PTPRZ1: variants seen among roughly 807,000 people sequenced by gnomAD.
PTPRZ1 encodes the protein protein tyrosine phosphatase receptor type Z1, also known as receptor-type tyrosine-protein phosphatase zeta.
In PTPRZ1, 82 loss-of-function variants were observed where a neutral mutation model predicts 214.1. The observed-to-expected ratio is 0.38, with a 90% CI of 0.32 to 0.46. The LOEUF (loss-of-function observed/expected upper bound fraction) is 0.46, where lower values mean the gene tolerates loss of function less well. Among genes scored for constraint, PTPRZ1 ranks in the 20% least tolerant of loss-of-function variants. The probability of loss-of-function intolerance (pLI) is 1.00; values close to 1 mark genes in which losing one functional copy is unlikely to be tolerated. For missense variants in PTPRZ1, 2,603 were observed against 2,748.7 expected, an observed-to-expected ratio of 0.95 and a Z score of 1.19; for synonymous variants, 945 against 987.9, an observed-to-expected ratio of 0.96 and a Z score of 0.81.
At position 122,061,301 on chromosome 7, in the gene PTPRZ1, G is replaced by A. The variant is rs1792570365; in HGVS notation, c.*81G>A. ...TAGGCAGGAAAATCAGTCTAGTTCT[G>A]TTATCTGTTGATTTCCCATCACCTG... is the stretch of plus-strand genomic sequence containing the variant. On this transcript the variant is annotated 3_prime_UTR_variant, in exon 30 of 30. Coordinates refer to ENST00000393386, the MANE Select transcript of PTPRZ1 (RefSeq NM_002851.3). 3.1e-6 allele frequency: 4 copies of A among 1,295,380 alleles called. No individual in the cohort carries two copies. In the African/African-American group the frequency reaches 6.0e-5, roughly 19 times the overall value. The allele number at this position is 1,295,380 out of a possible 1,614,324, so 80.2% of individuals were successfully genotyped here.
chr7:121,978,171 A>T (rs559016088), intron 6 of PTPRZ1, among the ~76,000 whole-genome samples: 11 of 152,172 alleles, frequency 7.2e-5, no homozygotes, highest in African/African-American at 2.7e-4. Flanking sequence ...TGTCAGATAC[A>T]CTGTGACTAC....
chr7:121,925,212 CTCAG>C (rs1299709491), intron 1 of PTPRZ1, among the ~76,000 whole-genome samples: 1 of 152,158 alleles, frequency 6.6e-6, no homozygotes, highest in Non-Finnish European at 1.5e-5. Context: ...ACTGTTAAGT[CTCAG>C]TCAGTAACCT....
chr7:121,967,570 G>A (rs1379031233), intron 2 of PTPRZ1, among the ~76,000 whole-genome samples: 3 of 152,136 alleles, frequency 2.0e-5, no homozygotes, highest in East Asian at 1.9e-4. Flanking sequence ...TGTGATGACT[G>A]GACAAAGCCA....
intron 2 of PTPRZ1, among the ~76,000 whole-genome samples, chr7:121,933,504 G>A (rs551263977): frequency 5.9e-5 from 9 of 152,064 alleles, no homozygotes; most frequent in Admixed American, 3.3e-4. Context: ...GAATGCATTC[G>A]ATTCAAATAA....
In PTPRZ1 at chr7:121,954,583, A is replaced by G. The variant is rs534860696; in HGVS notation, c.125-13368A>G. On this transcript the variant is annotated intron_variant, in intron 2 of 29. Transcript: ENST00000393386. ...GGTGTCCCTGGAATACCCTATGCAT[A>G]TTTCTGCTATTATATTCATTAGATT... is the stretch of plus-strand genomic sequence containing the variant. 5.9e-5 allele frequency among the ~76,000 whole-genome samples: 9 copies of G among 152,074 alleles called. No homozygotes were observed. The East Asian group carries it at 1.4e-3, about 23-fold the overall frequency.
rs1175689845 is a variant in PTPRZ1, at chr7:122,054,056, C to G, written c.6381+18C>G. 6.2e-7 allele frequency: 1 copy of G among 1,610,956 alleles called. No homozygotes were observed. The highest frequency in any genetic ancestry group is 1.7e-5 in the Admixed American group (1 of 59,834). On this transcript the variant is annotated intron_variant, in intron 26 of 29. Transcript: ENST00000393386. ...AAAACATGGTAAGTCCCTTAGACCA[C>G]TTTTGGGACTTCCTTTACAGAGGAA...
At position 121,924,629 on chromosome 7, in the gene PTPRZ1, T is replaced by C. The variant is rs922934572; in HGVS notation, c.59-3527T>C. On this transcript the variant is annotated intron_variant, in intron 1 of 29. Transcript: ENST00000393386. ...ACAAGGAAAGCTAAAATTCTGCTGA[T>C]GTTTTGCTGTTATCCTTTAGAAGGA... Among the ~76,000 whole-genome samples the C allele has an allele frequency of 2.6e-5, 4 of 152,222 alleles. No individual in the cohort carries two copies. In the East Asian group the frequency reaches 5.8e-4, roughly 22 times the overall value.
intron 1 of PTPRZ1, among the ~76,000 whole-genome samples, chr7:121,923,701 G>GC (rs1012024403): frequency 6.6e-6 from 1 of 151,122 alleles, no homozygotes; most frequent in African/African-American, 2.4e-5. Context: ...TAACTTGGTG[G>GC]GGGGGTGGTA....
At position 122,038,902 on chromosome 7, in the gene PTPRZ1, T is replaced by G; in HGVS notation, c.5502+13T>G. 6.2e-7 allele frequency: 1 copy of G among 1,613,084 alleles called. No individual in the cohort carries two copies. Reference sequence around the variant, plus strand: ...GGAGAAAGGAAGGGTATGTAGATAATCTGTTATGTCACCCCCAAAAAAGTA... The same window carrying G: ...GGAGAAAGGAAGGGTATGTAGATAAGCTGTTATGTCACCCCCAAAAAAGTA... On this transcript the variant is annotated intron_variant, in intron 19 of 29. Coordinates refer to ENST00000393386, the MANE Select transcript of PTPRZ1 (RefSeq NM_002851.3).
At chr7:121,978,216 AAC>A (rs1369722266) in intron 6 of PTPRZ1, among the ~76,000 whole-genome samples, 1 of 152,212 alleles carries the variant, frequency 6.6e-6, no homozygotes, top group East Asian at 1.9e-4. Flanking sequence ...TGGATTCCCT[AAC>A]AGCATTATTC....
rs762603153 is a variant in PTPRZ1 at position 122,034,134 on chromosome 7, G to A, written c.5187+19G>A. On this transcript the variant is annotated intron_variant, in intron 16 of 29. Coordinates refer to ENST00000393386, the MANE Select transcript of PTPRZ1 (RefSeq NM_002851.3). ...TTACCAGGTAAGGCATTATTTCACT[G>A]CATTTTCTTTTAGCCAAGAAGTAGT... 4 of 1,589,518 alleles carry A rather than the reference G, an allele frequency of 2.5e-6. No homozygotes were observed. The highest frequency in any genetic ancestry group is 2.7e-5 in the African/African-American group (2 of 74,228).
intron 1 of PTPRZ1, among the ~76,000 whole-genome samples, chr7:121,900,202 C>T (rs750077790): frequency 6.6e-6 from 1 of 152,060 alleles, no homozygotes; most frequent in Non-Finnish European, 1.5e-5. Context: ...AAGGGGTGAA[C>T]TGAAACTAGA....
chr7:122,060,771 G>A (rs1490932841), intron 29 of PTPRZ1, among the ~76,000 whole-genome samples: 1 of 152,116 alleles, frequency 6.6e-6, no homozygotes, highest in East Asian at 1.9e-4. Context: ...AGTGCCAAAC[G>A]GTTTCGCCCA....
At chr7:121,991,048 G>C (rs1278074937) in intron 8 of PTPRZ1, among the ~76,000 whole-genome samples, 1 of 152,130 alleles carries the variant, frequency 6.6e-6, no homozygotes, top group Non-Finnish European at 1.5e-5. Context: ...CAGTAGACTT[G>C]ATTTTAAACT....
intron 20 of PTPRZ1, 61 bp downstream of exon 20, chr7:122,039,649 G>A: frequency 1.3e-6 from 2 of 1,572,174 alleles, no homozygotes; most frequent in South Asian, 2.3e-5. Context: ...TTTTTTAAGT[G>A]AATAAGCGAT....
chr7:121,903,987 C>CACAT (rs1795046608), intron 1 of PTPRZ1, among the ~76,000 whole-genome samples: 1 of 151,972 alleles, frequency 6.6e-6, no homozygotes, highest in Non-Finnish European at 1.5e-5. Context: ...CACACACACA[C>CACAT]ACACACACAC....
In PTPRZ1 at chr7:122,040,892, C is replaced by A; in HGVS notation, c.5714C>A (p.Pro1905Gln). ...HYTQWPDMGV[P>Q]EYSLPVLTFV... Reference sequence around the variant, plus strand: ...ACGCAGTGGCCTGACATGGGAGTACCAGAGTACTCCCTGCCAGTGCTGACC... The same window carrying A: ...ACGCAGTGGCCTGACATGGGAGTACAAGAGTACTCCCTGCCAGTGCTGACC... The change falls in exon 21 of 30, where the codon CCA becomes CAA. Residue 1905 changes from proline to glutamine, a missense_variant. Transcript: ENST00000393386. The A allele has an allele frequency of 6.2e-7, 1 of 1,606,688 alleles. No individual in the cohort carries two copies. Among genetic ancestry groups the A allele is most frequent in the South Asian group, 1.1e-5 (1 of 90,744 alleles).
In PTPRZ1 at chr7:121,936,260, G is replaced by A. The variant is rs569107550; in HGVS notation, c.124+8039G>A. ...TATTATTCAGACAAATTTTTATTAAGTGAAGCATATTTTAATGACTGAGGC... is the reference window on the plus strand; with the variant it reads ...TATTATTCAGACAAATTTTTATTAAATGAAGCATATTTTAATGACTGAGGC... On this transcript the variant is annotated intron_variant, in intron 2 of 29. Coordinates refer to ENST00000393386, the MANE Select transcript of PTPRZ1 (RefSeq NM_002851.3). 3.9e-5 allele frequency among the ~76,000 whole-genome samples: 6 copies of A among 152,246 alleles called. No homozygotes were observed. The East Asian group carries it at 1.2e-3, about 29-fold the overall frequency.
chr7:122,059,534 C>T (rs1792495592), intron 28 of PTPRZ1: 3 of 469,944 alleles, frequency 6.4e-6, no homozygotes, highest in Non-Finnish European at 1.1e-5. Flanking sequence ...TAAGCAAATA[C>T]TAAACTTCTG....
Sources: allele counts gnomAD v4.1 joint callset (sites outside exome capture counted in the v4.1 genomes callset), GRCh38; gene constraint gnomAD v4.1.1; transcripts MANE v1.5; gene names NCBI Gene and HGNC (gene_info 2026-07-23, HGNC 2026-07-21).